ZFP37: variants seen among roughly 807,000 people sequenced by gnomAD.
The protein encoded by ZFP37 is zinc finger protein 37 homolog.
Under a neutral mutation model 52.1 loss-of-function variants are expected in ZFP37, and 38 were observed. That is an observed-to-expected ratio of 0.73 (90% CI 0.56 to 0.96). The LOEUF (loss-of-function observed/expected upper bound fraction) is 0.96, where lower values mean the gene tolerates loss of function less well. Among genes scored for constraint, ZFP37 ranks in the 40% least tolerant of loss-of-function variants. The pLI is 0.00. For missense variants in ZFP37, 695 were observed against 741.4 expected (o/e 0.94, Z 0.73); for synonymous variants, 253 against 259.5 (o/e 0.98, Z 0.24).
Position 113,049,431 on chromosome 9 carries a change from TC to T in ZFP37, c.279del (p.Lys94ArgfsTer13). 1 of 1,614,142 alleles carries T rather than the reference TC, an allele frequency of 6.2e-7. No individual in the cohort carries two copies. Among genetic ancestry groups the T allele is most frequent in the South Asian group, 1.1e-5 (1 of 91,082 alleles). On this transcript the variant is annotated frameshift_variant, in exon 3 of 4. Transcript: ENST00000374227. LOFTEE classifies it high-confidence loss of function. ...CAACCTTGACTGGGTCTTTTCCCCT[TC>T]CCCAACCATGGTGCTTCTCCTTTTT... ...KLEKGEAPWL[G>X]KGKRPSQGCP...
At position 113,038,620 on chromosome 9, in the gene ZFP37, CAAA is replaced by C. The variant is rs60269886; in HGVS notation, c.*4102_*4104del. 35 of 135,178 alleles carry C rather than the reference CAAA, an allele frequency of 2.6e-4. No homozygotes were observed. Among genetic ancestry groups the C allele is most frequent in the Admixed American group, 2.2e-4 (3 of 13,596 alleles). The allele number at this position is 135,178 out of a possible 1,614,324, so 8.4% of individuals were successfully genotyped here. On this transcript the variant is annotated 3_prime_UTR_variant, in exon 4 of 4. Transcript: ENST00000374227. ...TAACATGGCAAAACTCTGTTTCCAC[CAAA>C]AAAAAAAAAAAAAAATTAGCTTGGT...
At chr9:113,055,095 C>T (rs952798780) in intron 1 of ZFP37, among the ~76,000 whole-genome samples, 4 of 152,228 alleles carry the variant, frequency 2.6e-5, no homozygotes, top group African/African-American at 9.7e-5. Context: ...TTCCCTCTGA[C>T]TGTGCTCCAA....
chr9:113,048,708 C>T (rs1829001180), intron 3 of ZFP37, among the ~76,000 whole-genome samples: 1 of 152,098 alleles, frequency 6.6e-6, no homozygotes. Flanking sequence ...CAAGATTATA[C>T]CTCCCAGCCC....
At position 113,042,763 on chromosome 9, in the gene ZFP37, G is replaced by T; in HGVS notation, c.1855C>A (p.His619Asn). Residue 619 changes from histidine (H) to asparagine (N), a missense_variant, in exon 4 of 4, where the codon CAT (histidine) becomes AAT (asparagine). This residue lies in a region of ZFP37 where 326 missense variants were observed against 400.5 expected (regional missense o/e 0.81). Transcript: ENST00000374227. ...TTATCTTCTGAATGAGTTTTCACAT[G>T]TTTGGTTAGGGATGCATTTTGTTTG... ...TFKQNASLTKHVKTHSEDKSH... is the reference protein window; with the variant it reads ...TFKQNASLTKNVKTHSEDKSH... 6.3e-7 allele frequency: 1 copy of T among 1,591,026 alleles called. No individual in the cohort carries two copies.
In ZFP37 at chr9:113,042,403, C is replaced by T. The variant is rs939148924; in HGVS notation, c.*322G>A. The T allele has an allele frequency of 4.8e-6, 1 of 209,520 alleles. No individual in the cohort carries two copies. Among genetic ancestry groups the T allele is most frequent in the South Asian group, 1.1e-4 (1 of 8,832 alleles). 13.0% of individuals were successfully genotyped at this position (209,520 alleles called of 1,614,324 possible). On this transcript the variant is annotated 3_prime_UTR_variant, in exon 4 of 4. Coordinates refer to ENST00000374227, the MANE Select transcript of ZFP37 (RefSeq NM_003408.3). The stretch of plus-strand genomic sequence containing the variant: ...TACAAAACAAGAAGAAACACAGGAA[C>T]TGTCAGCATATATAACTTGTTTCTC...
At chr9:113,046,190 A>ATATATGTAGACAGATATATATC (rs1225025943) in intron 3 of ZFP37, among the ~76,000 whole-genome samples, 1 of 144,822 alleles carries the variant, frequency 6.9e-6, no homozygotes, top group African/African-American at 2.5e-5. Context: ...ATATATATCT[A>ATATATGTAGACAGATATATATC]TATATGTAGA....
intron 3 of ZFP37, 110 bp downstream of exon 3, chr9:113,049,252 A>T: frequency 1.7e-6 from 2 of 1,211,188 alleles, no homozygotes. Flanking sequence ...TCCTCAGGAA[A>T]TCCTGATTTT....
At position 113,039,348 on chromosome 9, in the gene ZFP37, T is replaced by C. The variant is rs1447220402; in HGVS notation, c.*3377A>G. ...ATTTAAAAAAATGTTTCCACTTTTT[T>C]TCCTCTTCTTTATGTCAGAGGAGTT... On this transcript the variant is annotated 3_prime_UTR_variant, in exon 4 of 4. Transcript: ENST00000374227. 1.3e-5 allele frequency: 2 copies of C among 152,184 alleles called. No individual in the cohort carries two copies. The highest frequency in any genetic ancestry group is 4.8e-5 in the African/African-American group (2 of 41,454). The allele number at this position is 152,184 out of a possible 1,614,324, so 9.4% of individuals were successfully genotyped here. A position where few individuals can be genotyped will look rare whatever the true frequency, so the allele number is the denominator to read the frequency against.
chr9:113,055,596 T>C (rs1829126799), intron 1 of ZFP37, among the ~76,000 whole-genome samples: 1 of 152,172 alleles, frequency 6.6e-6, no homozygotes, highest in South Asian at 2.1e-4. Flanking sequence ...CTGTTCCTAC[T>C]GTTCCTGCAA....
chr9:113,043,900 C>T lies in ZFP37; in HGVS notation c.718G>A (p.Asp240Asn), dbSNP rs753501457. Residue 240 changes from aspartate to asparagine, a missense_variant, in exon 4 of 4, where the codon GAT (aspartate) becomes AAT (asparagine). Asp to Asn is a conservative substitution (Grantham distance 23). This residue lies in a region of ZFP37 where 369 missense variants were observed against 340.9 expected (regional missense o/e 1.08). Coordinates refer to ENST00000374227, the MANE Select transcript of ZFP37 (RefSeq NM_003408.3). ...TTTTTGCCAGTTTTGTTACACTTATCAGATGAGCTATGGCTGGATAATTTC... is the reference window on the plus strand; with the variant it reads ...TTTTTGCCAGTTTTGTTACACTTATTAGATGAGCTATGGCTGGATAATTTC... ...HEKLSSHSSS[D>N]KCNKTGKKHD... 6.8e-6 allele frequency: 11 copies of T among 1,613,888 alleles called. No homozygotes were observed. The highest frequency in any genetic ancestry group is 9.3e-6 in the Non-Finnish European group (11 of 1,179,940).
In ZFP37 at chr9:113,044,249, G is replaced by T; in HGVS notation, c.369C>A (p.Asp123Glu). 1 of 1,565,620 alleles carries T rather than the reference G, an allele frequency of 6.4e-7. No individual in the cohort carries two copies. The highest frequency in any genetic ancestry group is 1.4e-5 in the African/African-American group (1 of 72,362). The change falls in exon 4 of 4, where the codon GAC (aspartate) becomes GAA (glutamate). Residue 123 changes from aspartate to glutamate, a missense_variant. By Grantham distance (45) the Asp-to-Glu change is conservative. Coordinates refer to ENST00000374227, the MANE Select transcript of ZFP37 (RefSeq NM_003408.3). ...GAGATTTCTGGATATTTTCAAGCTG[G>T]TCATCATCTTTCTGGACTTCTAAAA... is the stretch of plus-strand genomic sequence containing the variant. Reference protein sequence around the residue: ...ETDGKVQKDDDQLENIQKSQN... With the variant: ...ETDGKVQKDDEQLENIQKSQN...
Position 113,043,787 on chromosome 9 carries a change from A to T in ZFP37, c.831T>A (p.Leu277=). 1 of 1,614,058 alleles carries T rather than the reference A, an allele frequency of 6.2e-7. No homozygotes were observed. The highest frequency in any genetic ancestry group is 8.5e-7 in the Non-Finnish European group (1 of 1,179,980). The change falls in exon 4 of 4, where the codon CTT becomes CTA. Residue 277 remains leucine (L), a synonymous_variant. Transcript: ENST00000374227. ...GTTTTTCATGCTTAGTAGATGAGCT[A>T]AGGCTGGGTGATTTCTCATGTTTCT... The part of the protein sequence containing the change: ...TGEKHEKSPS[L]SSSTKHEKPQ...
rs1828804411 is a variant in ZFP37 at position 113,038,898 on chromosome 9, C to G, written c.*3827G>C. The stretch of plus-strand genomic sequence containing the variant: ...TGAGCACATTCTTCTAGAAGGGGGA[C>G]TTTGTGGAAAATTTTAATTTTCTTC... On this transcript the variant is annotated 3_prime_UTR_variant, in exon 4 of 4. Coordinates refer to ENST00000374227, the MANE Select transcript of ZFP37 (RefSeq NM_003408.3). 1 of 152,132 alleles carries G rather than the reference C, an allele frequency of 6.6e-6. No individual in the cohort carries two copies. Among genetic ancestry groups the G allele is most frequent in the South Asian group, 2.1e-4 (1 of 4,822 alleles). The allele number at this position is 152,132 out of a possible 1,614,324, so 9.4% of individuals were successfully genotyped here.
intron 2 of ZFP37, 29 bp downstream of exon 2, chr9:113,049,762 A>G (rs1223197699): frequency 6.2e-6 from 10 of 1,609,542 alleles, no homozygotes; most frequent in Non-Finnish European, 8.5e-6. Context: ...CAGTGGACAC[A>G]TTTTGAATTA....
At chr9:113,047,415 C>T (rs1828976030) in intron 3 of ZFP37, among the ~76,000 whole-genome samples, 1 of 151,992 alleles carries the variant, frequency 6.6e-6, no homozygotes, top group African/African-American at 2.4e-5. Flanking sequence ...ACTATGGTAA[C>T]ATAAATAATA....
chr9:113,053,912 C>T (rs1228839977), intron 1 of ZFP37, among the ~76,000 whole-genome samples: 2 of 152,190 alleles, frequency 1.3e-5, no homozygotes, highest in East Asian at 1.9e-4. Context: ...TTATTTGGGT[C>T]ATTCCCATTG....
intron 3 of ZFP37, 88 bp from the exon 4 acceptor site, chr9:113,044,356 G>A (rs1828915923): frequency 7.9e-7 from 1 of 1,268,864 alleles, no homozygotes; most frequent in South Asian, 1.6e-5. Flanking sequence ...CCTGTTGTAG[G>A]GTTAAATTTT....
chr9:113,043,287 T>C lies in ZFP37; in HGVS notation c.1331A>G (p.Tyr444Cys). 1 of 1,613,998 alleles carries C rather than the reference T, an allele frequency of 6.2e-7. No homozygotes were observed. Among genetic ancestry groups the C allele is most frequent in the Non-Finnish European group, 8.5e-7 (1 of 1,179,960 alleles). ...CATGTGTTTAGTAAGGGATGAGCTA[T>C]ACTTAAAGGCTTTTCCACATTCATT... Reference protein sequence around the residue: ...ECNECGKAFKYSSSLTKHMRI... With the variant: ...ECNECGKAFKCSSSLTKHMRI... The change falls in exon 4 of 4, where the codon TAT becomes TGT. Residue 444 changes from tyrosine to cysteine, a missense_variant. Around this residue, in one of 2 missense-constraint regions of ZFP37, gnomAD observed 326 missense variants for 400.5 expected, o/e 0.81. Coordinates refer to ENST00000374227, the MANE Select transcript of ZFP37 (RefSeq NM_003408.3).
rs892304282 is a variant in ZFP37, at chr9:113,041,720, T to C, written c.*1005A>G. ...CTTTAGATTCATCATCATTCATGAA[T>C]AAGCATACAAAGATTTTAACTCTGT... On this transcript the variant is annotated 3_prime_UTR_variant, in exon 4 of 4. Coordinates refer to ENST00000374227, the MANE Select transcript of ZFP37 (RefSeq NM_003408.3). 6.6e-6 allele frequency: 1 copy of C among 152,220 alleles called. No homozygotes were observed. The highest frequency in any genetic ancestry group is 1.5e-5 in the Non-Finnish European group (1 of 68,036). The allele number at this position is 152,220 out of a possible 1,614,324, so 9.4% of individuals were successfully genotyped here. A position where few individuals can be genotyped will look rare whatever the true frequency, so the allele number is the denominator to read the frequency against.
Sources: allele counts gnomAD v4.1 joint callset (sites outside exome capture counted in the v4.1 genomes callset), GRCh38; gene constraint gnomAD v4.1.1; regional missense constraint gnomAD v4.1.1; transcripts MANE v1.5; gene names NCBI Gene and HGNC (gene_info 2026-07-23, HGNC 2026-07-21).